Variants in RAB37 observed in about 807,000 individuals in gnomAD.
RAB37 encodes ras-related protein Rab-37.
In RAB37, 29 loss-of-function variants were observed where a neutral mutation model predicts 33.1. The observed-to-expected ratio is 0.88, with a 90% CI of 0.65 to 1.20. The LOEUF (loss-of-function observed/expected upper bound fraction) is 1.20. RAB37 is among the 50% of genes most tolerant of loss of function. The pLI is 0.00. For missense variants in RAB37, 299 were observed against 301.1 expected, an observed-to-expected ratio of 0.99 and a Z score of 0.05; for synonymous variants, 128 against 119.5, an observed-to-expected ratio of 1.07 and a Z score of -0.47.
At chr17:74,697,207 G>A (rs2032572455) in intron 1 of RAB37, among the ~76,000 whole-genome samples, 1 of 152,140 alleles carries the variant, frequency 6.6e-6, no homozygotes, top group Non-Finnish European at 1.5e-5. Flanking sequence ...ACCTCCCTAA[G>A]TGCGGAGATT....
At chr17:74,699,575 G>A (rs1039563407) in intron 1 of RAB37, among the ~76,000 whole-genome samples, 2 of 152,060 alleles carry the variant, frequency 1.3e-5, no homozygotes, top group African/African-American at 2.4e-5. Flanking sequence ...CCACAAGACC[G>A]GGAACACAAA....
intron 1 of RAB37, among the ~76,000 whole-genome samples, chr17:74,680,043 G>T (rs1406056197): frequency 6.6e-6 from 1 of 151,484 alleles, no homozygotes; most frequent in Non-Finnish European, 1.5e-5. Flanking sequence ...AGCCAGCATT[G>T]TGGAAGCCTG....
In RAB37 at chr17:74,744,346, C is replaced by T. The variant is rs147358898; in HGVS notation, c.405C>T (p.Asp135=). 3.1e-6 allele frequency: 5 copies of T among 1,613,990 alleles called. 1 individual carries two copies. Among genetic ancestry groups the T allele is most frequent in the South Asian group, 2.2e-5 (2 of 91,088 alleles). Residue 135 remains aspartate (D), a synonymous_variant, in exon 6 of 9, where the codon GAC becomes GAT. Transcript: ENST00000392613. This position sits in a 1 kb window ranked among gnomAD's most constrained non-coding sequence, Gnocchi z 4.2. ...AGATTCATGAGTATGCCCAGAGGGACGTGGTGATCATGCTGCTAGGCAACA... is the reference window on the plus strand; with the variant it reads ...AGATTCATGAGTATGCCCAGAGGGATGTGGTGATCATGCTGCTAGGCAACA... The part of the protein sequence containing the change: ...LTEIHEYAQR[D]VVIMLLGNKA...
chr17:74,682,925 A>T (rs1186773788), intron 1 of RAB37, among the ~76,000 whole-genome samples: 1 of 152,188 alleles, frequency 6.6e-6, no homozygotes, highest in African/African-American at 2.4e-5. Flanking sequence ...AGTGGAAGAC[A>T]ATGGTTTCCA....
intron 1 of RAB37, among the ~76,000 whole-genome samples, chr17:74,727,786 A>G (rs2034323633): frequency 6.6e-6 from 1 of 151,528 alleles, no homozygotes; most frequent in Non-Finnish European, 1.5e-5. Flanking sequence ...GAAAATCGAG[A>G]CTTTAGTGTG....
chr17:74,694,900 G>C lies in RAB37; in HGVS notation c.72+23242G>C, dbSNP rs113584170. ...TCAACTATGTAGGAGAGGAGGGGAC[G>C]TTTAGAAAACCCCAACTCCTAGAAG... On this transcript the variant is annotated intron_variant, in intron 1 of 7. Coordinates refer to the RAB37 transcript ENST00000340415. 2.1e-3 allele frequency: 1,116 copies of C among 522,364 alleles called. 12 individuals carry two copies. Among genetic ancestry groups the C allele is most frequent in the African/African-American group, 0.02 (1,032 of 52,242 alleles). The allele number at this position is 522,364 out of a possible 1,614,324, so 32.4% of individuals were successfully genotyped here.
intron 1 of RAB37, among the ~76,000 whole-genome samples, chr17:74,680,728 A>T (rs1194417909): frequency 6.6e-6 from 1 of 151,792 alleles, no homozygotes; most frequent in Non-Finnish European, 1.5e-5. Flanking sequence ...TCCTTTAAGA[A>T]CTCCTTGCCT....
chr17:74,705,036 T>C (rs1412027235), intron 1 of RAB37, among the ~76,000 whole-genome samples: 1 of 152,058 alleles, frequency 6.6e-6, no homozygotes, highest in Non-Finnish European at 1.5e-5. Context: ...CCCCCAAAAA[T>C]AAAAATATTG....
chr17:74,737,881 T>C (rs565977548), intron 1 of RAB37, among the ~76,000 whole-genome samples: 8 of 152,290 alleles, frequency 5.3e-5, no homozygotes, highest in African/African-American at 1.9e-4. Flanking sequence ...GCCTCCCACC[T>C]TCCTCCCTGC....
chr17:74,745,336 G>A lies in RAB37; in HGVS notation c.597G>A (p.Ala199=), dbSNP rs36093386. The A allele has an allele frequency of 6.5e-4, 1,045 of 1,614,100 alleles. 5 individuals carry two copies. The African/African-American group carries it at 0.012, about 19-fold the overall frequency. The part of the protein sequence containing the change: ...KELKYRAGHQ[A]DEPSFQIRDY... Reference sequence around the variant, plus strand: ...TGAAATACCGGGCCGGGCATCAGGCGGATGAGCCCAGCTTCCAGATCCGAG... The same window carrying A: ...TGAAATACCGGGCCGGGCATCAGGCAGATGAGCCCAGCTTCCAGATCCGAG... The change falls in exon 9 of 9, where the codon GCG becomes GCA. Residue 199 remains alanine (A), a synonymous_variant. Coordinates refer to ENST00000392613, the MANE Select transcript of RAB37 (RefSeq NM_001006638.3). The surrounding 1 kb of genome is among the most constrained non-coding windows in gnomAD (Gnocchi z 4.5).
intron 1 of RAB37, among the ~76,000 whole-genome samples, chr17:74,718,507 G>A (rs1385219921): frequency 6.6e-6 from 1 of 152,142 alleles, no homozygotes; most frequent in East Asian, 1.9e-4. Context: ...CTGCAATTGA[G>A]GCTCCCCCTG....
chr17:74,722,717 A>G (rs1845095762), intron 1 of RAB37, among the ~76,000 whole-genome samples: 1 of 152,166 alleles, frequency 6.6e-6, no homozygotes, highest in Non-Finnish European at 1.5e-5. Context: ...CTCTCCTTAT[A>G]TGAGGGATAT....
At chr17:74,739,525 CTTT>C (rs1166150273) in intron 1 of RAB37, among the ~76,000 whole-genome samples, 2 of 131,300 alleles carry the variant, frequency 1.5e-5, no homozygotes, top group Admixed American at 7.7e-5. Context: ...TTCATGCAAC[CTTT>C]TTTTTTTTTT....
Position 74,729,320 on chromosome 17 carries a change from A to G in RAB37, c.137A>G (p.Lys46Arg), listed in dbSNP as rs753839451. The change falls in exon 2 of 8, where the codon AAG (lysine) becomes AGG (arginine). Residue 46 changes from lysine (K) to arginine (R), a missense_variant. Lys to Arg is a conservative substitution (Grantham distance 26, BLOSUM62 2). Transcript: ENST00000340415. This position sits in a 1 kb window ranked among gnomAD's most constrained non-coding sequence, Gnocchi z 4.2. The stretch of plus-strand genomic sequence containing the variant: ...CTGCTGGTTCAGTTCGATCAGGGCA[A>G]GTTCATCCCCGGCTCCTTCTCGGCC... 1.9e-6 allele frequency: 3 copies of G among 1,614,014 alleles called. No homozygotes were observed. The highest frequency in any genetic ancestry group is 2.5e-6 in the Non-Finnish European group (3 of 1,179,992).
At chr17:74,726,339 C>T (rs1436028332) in intron 1 of RAB37, among the ~76,000 whole-genome samples, 1 of 151,956 alleles carries the variant, frequency 6.6e-6, no homozygotes, top group Admixed American at 6.6e-5. Flanking sequence ...TGTGCACCCC[C>T]GGACCTCAGT....
Position 74,747,218 on chromosome 17 carries a change from G to C in RAB37, c.*1807G>C, listed in dbSNP as rs1457283630. On this transcript the variant is annotated 3_prime_UTR_variant, in exon 9 of 9. Transcript: ENST00000392613. Reference sequence around the variant, plus strand: ...CCTCAGGCAGAGCAGGGAGGAGGCTGACATTGCCAGTCTCTTCTGGGGCCC... The same window carrying C: ...CCTCAGGCAGAGCAGGGAGGAGGCTCACATTGCCAGTCTCTTCTGGGGCCC... 6.6e-6 allele frequency: 1 copy of C among 152,244 alleles called. No individual in the cohort carries two copies. Among genetic ancestry groups the C allele is most frequent in the Admixed American group, 6.5e-5 (1 of 15,284 alleles). The allele number at this position is 152,244 out of a possible 1,614,324, so 9.4% of individuals were successfully genotyped here. A position where few individuals can be genotyped will look rare whatever the true frequency, so the allele number is the denominator to read the frequency against.
chr17:74,697,516 A>G (rs573601295), intron 1 of RAB37, among the ~76,000 whole-genome samples: 17 of 152,344 alleles, frequency 1.1e-4, no homozygotes, highest in African/African-American at 3.6e-4. Context: ...ACTAACAGAG[A>G]GTCAGGCTCC....
At chr17:74,695,877 G>A in intron 1 of RAB37, 3 of 1,609,046 alleles carry the variant, frequency 1.9e-6, no homozygotes, top group Non-Finnish European at 1.7e-6. Flanking sequence ...AGGGAACACA[G>A]GCTGGGGAGT....
rs867263235 is a variant in RAB37, at chr17:74,676,598, C to G, written c.72+4940C>G. Reference sequence around the variant, plus strand: ...TCCCTCAAAAGTCCGCATGCCTCATCGATTCATTCAGCAAACATGCATTGG... The same window carrying G: ...TCCCTCAAAAGTCCGCATGCCTCATGGATTCATTCAGCAAACATGCATTGG... On this transcript the variant is annotated intron_variant, in intron 1 of 7. Transcript: ENST00000340415. This position sits in a 1 kb window ranked among gnomAD's most constrained non-coding sequence, Gnocchi z 4.1. 6.6e-6 allele frequency among the ~76,000 whole-genome samples: 1 copy of G among 152,166 alleles called. No homozygotes were observed. Among genetic ancestry groups the G allele is most frequent in the African/African-American group, 2.4e-5 (1 of 41,444 alleles).
Sources: allele counts gnomAD v4.1 joint callset (sites outside exome capture counted in the v4.1 genomes callset), GRCh38; gene constraint gnomAD v4.1.1; non-coding constraint Gnocchi (gnomAD v3.1); transcripts MANE v1.5; gene names NCBI Gene and HGNC (gene_info 2026-07-23, HGNC 2026-07-21).